The following ADGRL2 variants were observed in gnomAD, a reference collection of about 807,000 sequenced individuals.
ADGRL2 encodes the protein calcium-independent alpha-latrotoxin receptor 2.
In ADGRL2, 44 loss-of-function variants were observed where a neutral mutation model predicts 157.4. The ratio of observed to expected loss-of-function variants is 0.28; its 90% CI spans 0.22 to 0.36. The LOEUF (loss-of-function observed/expected upper bound fraction) is 0.36, where lower values mean the gene tolerates loss of function less well. Ranked by LOEUF, ADGRL2 falls within the 10% of genes least tolerant of loss-of-function variation. The pLI is 1.00. For missense variants in ADGRL2, 1,510 were observed against 1,768.9 expected, an observed-to-expected ratio of 0.85 and a Z score of 2.63; for synonymous variants, 585 against 624.7, an observed-to-expected ratio of 0.94 and a Z score of 0.95.
intron 2 of ADGRL2, among the ~76,000 whole-genome samples, chr1:81,542,650 G>A (rs1030132357): frequency 4.6e-5 from 7 of 152,154 alleles, no homozygotes; most frequent in Non-Finnish European, 1.0e-4. Flanking sequence ...ACTGTGGGAA[G>A]AGGGCATAAA....
chr1:81,941,295 G>C (rs1041692409), intron 4 of ADGRL2, among the ~76,000 whole-genome samples: 3 of 151,308 alleles, frequency 2.0e-5, no homozygotes, highest in Non-Finnish European at 4.4e-5. Flanking sequence ...CTAATTCTTA[G>C]TGGGGGAGAA....
intron 2 of ADGRL2, among the ~76,000 whole-genome samples, chr1:81,895,467 C>T (rs1181301063): frequency 1.4e-5 from 2 of 138,810 alleles, no homozygotes; most frequent in South Asian, 2.3e-4. Context: ...GGTGCAGTCT[C>T]GGCTCACTAC....
At chr1:81,722,453 AAGAG>A in intron 1 of ADGRL2, 1 of 1,397,986 alleles carries the variant, frequency 7.2e-7, no homozygotes, top group East Asian at 2.3e-5. Flanking sequence ...TTTGTATGCC[AAGAG>A]GGCCAGCGTT....
intron 2 of ADGRL2, among the ~76,000 whole-genome samples, chr1:81,562,724 C>T (rs926990710): frequency 1.3e-5 from 2 of 151,836 alleles, no homozygotes; most frequent in African/African-American, 4.8e-5. Flanking sequence ...CATTCAGTAA[C>T]TATTAGGAAA....
chr1:81,844,319 C>T (rs1423128916), intron 2 of ADGRL2, among the ~76,000 whole-genome samples: 2 of 152,220 alleles, frequency 1.3e-5, no homozygotes, highest in Admixed American at 6.5e-5. Flanking sequence ...TTTTGTGGAA[C>T]TGTGATTCTG....
chr1:81,687,098 G>A lies in ADGRL2; in HGVS notation c.-142-74713G>A, dbSNP rs2083244144. Among the ~76,000 whole-genome samples, 4 of 152,150 alleles carry A rather than the reference G, an allele frequency of 2.6e-5. No individual in the cohort carries two copies. The South Asian group carries it at 8.3e-4, about 32-fold the overall frequency. ...AGTTCCATGTGCTGTTGAATAGAAT[G>A]TGTGTGTATTCTGTTGTTGTTGGAT... On this transcript the variant is annotated intron_variant, in intron 3 of 24. Coordinates refer to the ADGRL2 transcript ENST00000370721.
At position 81,677,007 on chromosome 1, in the gene ADGRL2, T is replaced by C. The variant is rs539215237; in HGVS notation, c.-142-84804T>C. Among the ~76,000 whole-genome samples, 520 of 148,660 alleles carry C rather than the reference T, an allele frequency of 3.5e-3. 3 individuals are homozygous for C. Among genetic ancestry groups the C allele is most frequent in the Admixed American group, 0.01 (155 of 14,968 alleles). On this transcript the variant is annotated intron_variant, in intron 3 of 24. Transcript: ENST00000370721. ...TTGGATTATTCTTTTTTTTTTTTTT[T>C]CAGAGTTTCGCTCTTGTTGCCCAGG...
chr1:81,642,199 A>C (rs2148806966), intron 3 of ADGRL2, among the ~76,000 whole-genome samples: 1 of 145,916 alleles, frequency 6.9e-6, no homozygotes, highest in South Asian at 2.2e-4. Context: ...AGTGAGCTGA[A>C]TTTGTACCAC....
chr1:81,522,196 C>T (rs545284074), intron 2 of ADGRL2, among the ~76,000 whole-genome samples: 22 of 152,154 alleles, frequency 1.4e-4, no homozygotes, highest in East Asian at 7.8e-4. Context: ...AGCTCCTGAC[C>T]TCAGGTGATC....
chr1:81,503,933 A>C (rs1417401513), intron 2 of ADGRL2, among the ~76,000 whole-genome samples: 2 of 152,188 alleles, frequency 1.3e-5, no homozygotes, highest in African/African-American at 2.4e-5. Flanking sequence ...AGCCAAGAGC[A>C]TGCCTTCATG....
At chr1:81,437,534 C>T (rs1417574502) in intron 1 of ADGRL2, among the ~76,000 whole-genome samples, 6 of 152,198 alleles carry the variant, frequency 3.9e-5, no homozygotes, top group Non-Finnish European at 7.3e-5. Context: ...GTTTTTAGCT[C>T]AGTCATTCAT....
chr1:81,762,671 T>G (rs890536500), intron 2 of ADGRL2, among the ~76,000 whole-genome samples: 4 of 152,038 alleles, frequency 2.6e-5, no homozygotes, highest in African/African-American at 9.7e-5. Flanking sequence ...AAAAGCAGGG[T>G]ACAGAACTAC....
chr1:81,372,794 A>C (rs1570756660), intron 1 of ADGRL2, among the ~76,000 whole-genome samples: 1 of 152,158 alleles, frequency 6.6e-6, no homozygotes, highest in African/African-American at 2.4e-5. Flanking sequence ...TATATGTCTG[A>C]CCCAGGCACA....
chr1:81,923,633 G>A (rs542115860), intron 3 of ADGRL2, among the ~76,000 whole-genome samples: 7 of 152,018 alleles, frequency 4.6e-5, no homozygotes, highest in Non-Finnish European at 1.0e-4. Flanking sequence ...ATGACAACTA[G>A]TGTATACCTG....
At chr1:81,720,898 CTA>C (rs2084288466) in intron 1 of ADGRL2, among the ~76,000 whole-genome samples, 1 of 149,704 alleles carries the variant, frequency 6.7e-6, no homozygotes, top group Admixed American at 6.7e-5. Flanking sequence ...ATATATTATA[CTA>C]TATATGTTTT....
chr1:81,368,250 G>A (rs970200502), intron 1 of ADGRL2, among the ~76,000 whole-genome samples: 5 of 152,074 alleles, frequency 3.3e-5, no homozygotes, highest in Non-Finnish European at 5.9e-5. Flanking sequence ...ATCTCATTGT[G>A]GTTTTGATTT....
In ADGRL2 at chr1:81,446,191, G is replaced by A. The variant is rs188264812; in HGVS notation, c.-248+1102G>A. On this transcript the variant is annotated intron_variant, in intron 2 of 24. Transcript: ENST00000370721. ...CCTGGCTCGCTCTAGGTGGTGTGAC[G>A]TGTAAAGTGACCTGAAAGTGGGGTG... is the stretch of plus-strand genomic sequence containing the variant. Among the ~76,000 whole-genome samples the A allele has an allele frequency of 2.2e-4, 33 of 152,234 alleles. No homozygotes were observed. The East Asian group carries it at 3.9e-3, about 18-fold the overall frequency.
At chr1:81,841,136 G>A (rs2092560978) in intron 2 of ADGRL2, among the ~76,000 whole-genome samples, 2 of 152,062 alleles carry the variant, frequency 1.3e-5, no homozygotes, top group Non-Finnish European at 2.9e-5. Flanking sequence ...CAGTGAATAT[G>A]TAATTAGATT....
At chr1:81,581,522 G>A (rs187348201) in intron 3 of ADGRL2, among the ~76,000 whole-genome samples, 14 of 152,208 alleles carry the variant, frequency 9.2e-5, no homozygotes, top group Admixed American at 4.6e-4. Context: ...GCATTAGCTC[G>A]TCTAAATATG....
Sources: allele counts gnomAD v4.1 joint callset (sites outside exome capture counted in the v4.1 genomes callset), GRCh38; gene constraint gnomAD v4.1.1; transcripts MANE v1.5; gene names NCBI Gene and HGNC (gene_info 2026-07-23, HGNC 2026-07-21).